Variants in NCOR2 observed in about 807,000 individuals in gnomAD.
NCOR2 encodes nuclear receptor corepressor 2.
NCOR2 carries 81 observed loss-of-function variants against 262.9 expected under a neutral mutation model. The ratio of observed to expected loss-of-function variants is 0.31; its 90% CI spans 0.26 to 0.37. The LOEUF is 0.37. NCOR2 is among the 10% of genes least tolerant of loss of function. The probability of loss-of-function intolerance (pLI) is 1.00; values close to 1 mark genes in which losing one functional copy is unlikely to be tolerated. For synonymous variants in NCOR2, 1,659 were observed against 1,559.3 expected (o/e 1.06, Z -1.51); for missense variants, 3,385 against 3,621.4 (o/e 0.93, Z 1.68).
chr12:124,327,031 G>A (rs1566343434), intron 45 of NCOR2, among the ~76,000 whole-genome samples: 1 of 152,178 alleles, frequency 6.6e-6, no homozygotes. Flanking sequence ...CCATTCCCCT[G>A]TCCACACAGT....
chr12:124,564,076 G>A (rs1426301495), intron 1 of NCOR2, among the ~76,000 whole-genome samples: 3 of 152,224 alleles, frequency 2.0e-5, no homozygotes, highest in African/African-American at 4.8e-5. Flanking sequence ...GCAGATTTGC[G>A]TAGAGCACGG....
chr12:124,474,978 G>T (rs952858490), intron 3 of NCOR2, among the ~76,000 whole-genome samples: 1 of 152,056 alleles, frequency 6.6e-6, no homozygotes, highest in Non-Finnish European at 1.5e-5. Flanking sequence ...CCAACCTCAG[G>T]ATTCACAGAG....
rs148132142 is a variant in NCOR2 at position 124,460,286 on chromosome 12, C to T, written c.706-3124G>A. Among the ~76,000 whole-genome samples the T allele has an allele frequency of 2.6e-5, 4 of 152,342 alleles. No individual in the cohort carries two copies. The South Asian group carries it at 6.2e-4, about 24-fold the overall frequency. On this transcript the variant is annotated intron_variant, in intron 5 of 46. Transcript: ENST00000405201. ...GGTCTAAATACCTGGAAATGGAGTGCGGCTGGCTCCCTCGCTCAGGCGGTC... is the reference window on the plus strand; with the variant it reads ...GGTCTAAATACCTGGAAATGGAGTGTGGCTGGCTCCCTCGCTCAGGCGGTC...
intron 19 of NCOR2, among the ~76,000 whole-genome samples, chr12:124,373,931 A>G (rs1378212555): frequency 6.7e-6 from 1 of 150,000 alleles, no homozygotes; most frequent in Non-Finnish European, 1.5e-5. Flanking sequence ...AGCCCACACC[A>G]ACGGCCTCAG....
chr12:124,531,000 G>C (rs2050744605), intron 1 of NCOR2, among the ~76,000 whole-genome samples: 1 of 152,154 alleles, frequency 6.6e-6, no homozygotes, highest in Admixed American at 6.5e-5. Context: ...CTCAGGCCGG[G>C]GCATTTAACT....
intron 3 of NCOR2, among the ~76,000 whole-genome samples, chr12:124,476,972 T>C (rs948499708): frequency 6.7e-6 from 1 of 148,658 alleles, no homozygotes; most frequent in Non-Finnish European, 1.5e-5. Context: ...GAGAATATGA[T>C]GCTGAGTGGA....
intron 13 of NCOR2, among the ~76,000 whole-genome samples, chr12:124,419,343 T>C (rs1261152052): frequency 6.6e-6 from 1 of 152,184 alleles, no homozygotes; most frequent in Non-Finnish European, 1.5e-5. Context: ...GCCATGGTAA[T>C]ATGTAAACAA....
chr12:124,479,323 C>T (rs1412901431), intron 3 of NCOR2, among the ~76,000 whole-genome samples: 2 of 151,974 alleles, frequency 1.3e-5, no homozygotes, highest in South Asian at 2.1e-4. Flanking sequence ...CACATGCACA[C>T]ACGTGCGCAC....
chr12:124,526,976 G>C lies in NCOR2; in HGVS notation c.-118+8589C>G, dbSNP rs1224154056. Among the ~76,000 whole-genome samples the C allele has an allele frequency of 2.0e-5, 3 of 152,342 alleles. No homozygotes were observed. The East Asian group carries it at 5.8e-4, about 29-fold the overall frequency. ...AGCCAGCCAATCAGGGCCGCTGAAAGAGAAAGAGAAGATCTGGAAAGAAGC... is the reference window on the plus strand; with the variant it reads ...AGCCAGCCAATCAGGGCCGCTGAAACAGAAAGAGAAGATCTGGAAAGAAGC... On this transcript the variant is annotated intron_variant, in intron 1 of 46. Transcript: ENST00000404621.
chr12:124,438,065 G>C, intron 7 of NCOR2, 69 bp from the exon 10 acceptor site: 2 of 1,483,640 alleles, frequency 1.3e-6, no homozygotes, highest in East Asian at 2.4e-5. Flanking sequence ...GTGCCATCCT[G>C]TTTGCTGAGA....
At chr12:124,371,501 C>T (rs557248403) in intron 20 of NCOR2, among the ~76,000 whole-genome samples, 1 of 152,334 alleles carries the variant, frequency 6.6e-6, no homozygotes, top group East Asian at 1.9e-4. Flanking sequence ...AGTGTGGACA[C>T]AGAGATGCAC....
At chr12:124,397,453 A>AT (rs2041753768) in intron 16 of NCOR2, among the ~76,000 whole-genome samples, 1 of 152,174 alleles carries the variant, frequency 6.6e-6, no homozygotes, top group African/African-American at 2.4e-5. Flanking sequence ...ACTGGACCCC[A>AT]GCCCCCACGG....
chr12:124,418,962 C>T (rs527653631), intron 13 of NCOR2, among the ~76,000 whole-genome samples: 2 of 152,182 alleles, frequency 1.3e-5, no homozygotes, highest in Non-Finnish European at 2.9e-5. Flanking sequence ...ACCCCAGCCA[C>T]TGAGGACCCC....
chr12:124,378,366 G>C lies in NCOR2; in HGVS notation c.2038C>G (p.Arg680Gly). ...GCCGGCGCTTTCTTCTTCTTCCTCCGCGCGTTCCTCTCCTTCTCCTGGGGC... is the reference window on the plus strand; with the variant it reads ...GCCGGCGCTTTCTTCTTCTTCCTCCCCGCGTTCCTCTCCTTCTCCTGGGGC... Residue 680 changes from arginine to glycine, a missense_variant, in exon 18 of 47, where the codon CGG becomes GGG. Around this residue, in one of 5 missense-constraint regions of NCOR2, gnomAD observed 515 missense variants for 781.2 expected, o/e 0.66. Transcript: ENST00000405201. This position sits in a 1 kb window ranked among gnomAD's most constrained non-coding sequence, Gnocchi z 4.2. 6.2e-7 allele frequency: 1 copy of C among 1,612,848 alleles called. No homozygotes were observed. Among genetic ancestry groups the C allele is most frequent in the East Asian group, 2.2e-5 (1 of 44,858 alleles).
chr12:124,402,695 A>G lies in NCOR2; in HGVS notation c.1483-134T>C, dbSNP rs1012208208. ...CCGTGGAGTCCACCCAGAAGAGGTC[A>G]TAAACAACCGGGAAGCCAGGCCCCA... On this transcript the variant is annotated intron_variant, in intron 13 of 46. Transcript: ENST00000405201. 1.0e-5 allele frequency: 15 copies of G among 1,474,636 alleles called. No individual in the cohort carries two copies. In the African/African-American group the frequency reaches 2.0e-4, roughly 19 times the overall value. 91.3% of individuals were successfully genotyped at this position (1,474,636 alleles called of 1,614,324 possible).
At chr12:124,435,412 G>A (rs930955804) in intron 8 of NCOR2, among the ~76,000 whole-genome samples, 2 of 152,230 alleles carry the variant, frequency 1.3e-5, no homozygotes, top group Non-Finnish European at 2.9e-5. Flanking sequence ...AGGAAGCTGG[G>A]CAAGGCACTG....
At chr12:124,427,710 A>G (rs2043635743) in intron 10 of NCOR2, among the ~76,000 whole-genome samples, 1 of 152,138 alleles carries the variant, frequency 6.6e-6, no homozygotes, top group African/African-American at 2.4e-5. Flanking sequence ...TACACCCCTG[A>G]TACGGAACGG....
At chr12:124,524,814 C>T (rs180745414) in intron 1 of NCOR2, among the ~76,000 whole-genome samples, 7 of 152,286 alleles carry the variant, frequency 4.6e-5, no homozygotes, top group African/African-American at 1.2e-4. Flanking sequence ...ATGCCTGAAC[C>T]TCGTCCTCAC....
chr12:124,522,653 T>C (rs2050250183), intron 1 of NCOR2, among the ~76,000 whole-genome samples: 1 of 152,238 alleles, frequency 6.6e-6, no homozygotes, highest in African/African-American at 2.4e-5. Context: ...TACCTATGTT[T>C]CATGGGCCAT....
Sources: allele counts gnomAD v4.1 joint callset (sites outside exome capture counted in the v4.1 genomes callset), GRCh38; gene constraint gnomAD v4.1.1; regional missense constraint gnomAD v4.1.1; non-coding constraint Gnocchi (gnomAD v3.1); transcripts MANE v1.5; gene names NCBI Gene and HGNC (gene_info 2026-07-23, HGNC 2026-07-21).